The following DPH6 variants were observed in gnomAD, a reference collection of about 807,000 sequenced individuals.
DPH6 encodes diphthamine biosynthesis 6, also known as diphthine--ammonia ligase.
A neutral mutation model predicts 38.2 loss-of-function variants in DPH6; 33 were observed. The observed-to-expected ratio is 0.86, with a 90% CI of 0.65 to 1.15. The LOEUF is 1.15. Ranked by LOEUF, DPH6 falls within the 50% of genes most tolerant of loss-of-function variation. The probability of loss-of-function intolerance (pLI) is 0.00; values close to 1 mark genes in which losing one functional copy is unlikely to be tolerated. For synonymous variants in DPH6, 108 were observed against 103.0 expected, an observed-to-expected ratio of 1.05 and a Z score of -0.30; for missense variants, 325 against 320.0, an observed-to-expected ratio of 1.02 and a Z score of -0.12.
chr15:35,543,823 G>A (rs1329414587), intron 1 of DPH6, among the ~76,000 whole-genome samples: 5 of 152,054 alleles, frequency 3.3e-5, no homozygotes, highest in Admixed American at 1.3e-4. Flanking sequence ...TTCCCATATC[G>A]AACCTTACTG....
chr15:35,382,320 C>T (rs1319176623), intron 6 of DPH6, among the ~76,000 whole-genome samples: 1 of 152,124 alleles, frequency 6.6e-6, no homozygotes, highest in Non-Finnish European at 1.5e-5. Context: ...CCTGCAGTCC[C>T]AGCTACTCGG....
the DPH6 span, among the ~76,000 whole-genome samples, chr15:35,167,775 A>G: frequency 3.3e-5 from 5 of 152,048 alleles, no homozygotes; most frequent in African/African-American, 1.2e-4. Context: ...TAAGAAGTCA[A>G]CTTTCTCGTC....
At chr15:35,187,344 T>C in the DPH6 span, among the ~76,000 whole-genome samples, 3 of 152,216 alleles carry the variant, frequency 2.0e-5, no homozygotes, top group African/African-American at 4.8e-5. Context: ...CTCATGATGG[T>C]ATAATTTTTA....
At chr15:35,286,870 A>G (rs2051947300) in intron 3 of DPH6, among the ~76,000 whole-genome samples, 1 of 152,116 alleles carries the variant, frequency 6.6e-6, no homozygotes, top group Non-Finnish European at 1.5e-5. Flanking sequence ...TGGCTTTGCT[A>G]TTTAGGGGAA....
chr15:35,454,072 AT>A (rs1295686640), intron 4 of DPH6, among the ~76,000 whole-genome samples: 86 of 152,248 alleles, frequency 5.6e-4, no homozygotes, highest in African/African-American at 1.8e-3. Context: ...AAGTAAATTC[AT>A]TCAGGTGGTG....
intron 4 of DPH6, among the ~76,000 whole-genome samples, chr15:35,452,817 G>C (rs1050289745): frequency 6.6e-6 from 1 of 152,158 alleles, no homozygotes; most frequent in Non-Finnish European, 1.5e-5. Flanking sequence ...GATTTACAGA[G>C]TAAGTTTATT....
chr15:35,349,396 C>A (rs2140888823), intron 3 of DPH6, among the ~76,000 whole-genome samples: 1 of 152,180 alleles, frequency 6.6e-6, no homozygotes, highest in Middle Eastern at 3.4e-3. Flanking sequence ...AAATGCCTTC[C>A]TTGGCATCCA....
At chr15:35,340,079 TGTTTAG>T (rs1427143821) in intron 3 of DPH6, among the ~76,000 whole-genome samples, 1 of 152,176 alleles carries the variant, frequency 6.6e-6, no homozygotes, top group Non-Finnish European at 1.5e-5. Flanking sequence ...GGTGCATATA[TGTTTAG>T]CACAGTTAGA....
At chr15:35,445,194 T>G (rs1204434835) in intron 5 of DPH6, among the ~76,000 whole-genome samples, 2 of 152,124 alleles carry the variant, frequency 1.3e-5, no homozygotes, top group Admixed American at 6.5e-5. Flanking sequence ...TTCCCTTAAA[T>G]GAATTCCATT....
At chr15:35,313,542 G>C (rs544634669) in intron 3 of DPH6, among the ~76,000 whole-genome samples, 3 of 151,756 alleles carry the variant, frequency 2.0e-5, no homozygotes, top group Non-Finnish European at 4.4e-5. Context: ...TTATTGTACA[G>C]ATCTTTCAGT....
At chr15:35,448,837 A>C (rs1156714858) in intron 5 of DPH6, among the ~76,000 whole-genome samples, 2 of 152,074 alleles carry the variant, frequency 1.3e-5, no homozygotes, top group African/African-American at 2.4e-5. Flanking sequence ...CCTATAAGAC[A>C]TAAAGGTTAC....
At chr15:35,534,949 C>T (rs1239688410) in intron 3 of DPH6, among the ~76,000 whole-genome samples, 1 of 152,162 alleles carries the variant, frequency 6.6e-6, no homozygotes, top group East Asian at 1.9e-4. Flanking sequence ...ACATTCTAGG[C>T]TTCATTCTAT....
At chr15:35,322,481 C>T (rs2052249204) in intron 3 of DPH6, among the ~76,000 whole-genome samples, 1 of 152,162 alleles carries the variant, frequency 6.6e-6, no homozygotes, top group East Asian at 1.9e-4. Flanking sequence ...CTTTTACTAT[C>T]ATAATTTTGC....
At chr15:35,261,023 A>G (rs1253193670) in intron 3 of DPH6, among the ~76,000 whole-genome samples, 1 of 152,238 alleles carries the variant, frequency 6.6e-6, no homozygotes, top group African/African-American at 2.4e-5. Flanking sequence ...ATTGATTTAC[A>G]TAAGGAAATT....
the DPH6 span, chr15:35,181,879 A>G: frequency 1.3e-5 from 2 of 152,208 alleles, no homozygotes; most frequent in Non-Finnish European, 2.9e-5. Flanking sequence ...GCAGTAGCTC[A>G]TTAGCAGTGT....
intron 3 of DPH6, chr15:35,237,660 T>C (rs1162145853): frequency 2.5e-6 from 4 of 1,613,596 alleles, no homozygotes; most frequent in Non-Finnish European, 3.4e-6. Context: ...CTGAAAAACT[T>C]AGAAAACCTC....
At chr15:35,447,534 G>T (rs534492230) in intron 5 of DPH6, among the ~76,000 whole-genome samples, 5 of 151,988 alleles carry the variant, frequency 3.3e-5, no homozygotes, top group Non-Finnish European at 7.4e-5. Context: ...AACCCACAGG[G>T]ACAGTAAAAC....
chr15:35,436,243 G>C (rs532270030), intron 5 of DPH6, among the ~76,000 whole-genome samples: 1 of 151,720 alleles, frequency 6.6e-6, no homozygotes, highest in Non-Finnish European at 1.5e-5. Context: ...AAGGCAGGCG[G>C]ATCACGAGGT....
At chr15:35,521,496 T>A in intron 3 of DPH6, 1 of 1,212,666 alleles carries the variant, frequency 8.2e-7, no homozygotes. Flanking sequence ...TACAACAGAA[T>A]CAAAGTGCTG....
Sources: allele counts gnomAD v4.1 joint callset (sites outside exome capture counted in the v4.1 genomes callset), GRCh38; gene constraint gnomAD v4.1.1; transcripts MANE v1.5; gene names NCBI Gene and HGNC (gene_info 2026-07-23, HGNC 2026-07-21).